Variants in PRTG observed in about 807,000 individuals in gnomAD.
PRTG encodes the protein immunoglobulin superfamily, DCC subclass, member 5.
A neutral mutation model predicts 122.5 loss-of-function variants in PRTG; 67 were observed. The ratio of observed to expected loss-of-function variants is 0.55; its 90% CI spans 0.45 to 0.67. PRTG has a LOEUF of 0.67. Ranked by LOEUF, PRTG falls within the 30% of genes least tolerant of loss-of-function variation. The probability of loss-of-function intolerance (pLI) is 0.00; values close to 1 mark genes in which losing one functional copy is unlikely to be tolerated. For synonymous variants in PRTG, 554 were observed against 501.1 expected (o/e 1.11, Z -1.41); for missense variants, 1,435 against 1,415.4 (o/e 1.01, Z -0.22).
chr15:55,710,314 T>A (rs1272462826), intron 2 of PRTG, among the ~76,000 whole-genome samples: 3 of 152,230 alleles, frequency 2.0e-5, no homozygotes, highest in Non-Finnish European at 4.4e-5. Flanking sequence ...CATTTTTACA[T>A]AAATCTACTT....
chr15:55,728,521 T>C lies in PRTG; in HGVS notation c.397+11861A>G, dbSNP rs573145001. On this transcript the variant is annotated intron_variant, in intron 2 of 19. Transcript: ENST00000389286. ...CAAAAAAGATGATTAGCACAGTTGATACAAAAAAGGCATTTGAAAAAATCC... is the reference window on the plus strand; with the variant it reads ...CAAAAAAGATGATTAGCACAGTTGACACAAAAAAGGCATTTGAAAAAATCC... Among the ~76,000 whole-genome samples the C allele has an allele frequency of 1.1e-3, 140 of 125,582 alleles. 1 individual carries two copies. The South Asian group carries it at 0.016, about 14-fold the overall frequency. The allele number at this position is 125,582 out of a possible 152,430, so 82.4% of individuals were successfully genotyped here.
At position 55,649,794 on chromosome 15, in the gene PRTG, TAAATAAATA is replaced by T. The variant is rs2059343887; in HGVS notation, c.2042-8595_2042-8587del. On this transcript the variant is annotated intron_variant, in intron 11 of 19. Transcript: ENST00000389286. Reference sequence around the variant, plus strand: ...GAGACAGAGCGAGACTCAGTCTCAATAAATAAATAAATAAATAAATAAATAAATAAATAA... The same window carrying T: ...GAGACAGAGCGAGACTCAGTCTCAATAATAAATAAATAAATAAATAAATAA... Among the ~76,000 whole-genome samples the T allele has an allele frequency of 2.2e-3, 4 of 1,836 alleles. No individual in the cohort carries two copies. In the Non-Finnish European group the frequency reaches 0.045, roughly 21 times the overall value. The allele number at this position is 1,836 out of a possible 152,430, so 1.2% of individuals were successfully genotyped here.
intron 2 of PRTG, among the ~76,000 whole-genome samples, chr15:55,735,409 A>G (rs1199054931): frequency 6.6e-6 from 1 of 152,054 alleles, no homozygotes; most frequent in Admixed American, 6.6e-5. Context: ...TAATTAAAAT[A>G]CTCCCTTAGC....
rs556168502 is a variant in PRTG, at chr15:55,707,269, C to T, written c.398-23338G>A. ...TAAGGTTAAGAACATTTAAGGTTAT[C>T]TCAAACACCAAGAATGTACCTTCTA... On this transcript the variant is annotated intron_variant, in intron 2 of 19. Coordinates refer to ENST00000389286, the MANE Select transcript of PRTG (RefSeq NM_173814.6). 2.6e-5 allele frequency among the ~76,000 whole-genome samples: 4 copies of T among 152,280 alleles called. No individual in the cohort carries two copies. In the East Asian group the frequency reaches 7.7e-4, roughly 29 times the overall value.
intron 2 of PRTG, among the ~76,000 whole-genome samples, chr15:55,709,145 CAAAAAAAAAAAAAA>C (rs3985769): frequency 1.9e-5 from 1 of 51,832 alleles, no homozygotes; most frequent in African/African-American, 8.0e-5. Context: ...GACTCTGTCT[CAAAAAAAAAAAAAA>C]AAAAAAAAAA....
intron 17 of PRTG, among the ~76,000 whole-genome samples, chr15:55,626,630 C>T (rs182861512): frequency 1.6e-4 from 24 of 150,396 alleles, no homozygotes; most frequent in Admixed American, 1.1e-3. Context: ...TGGTGGCGGG[C>T]GCCTGGAGTC....
chr15:55,662,531 T>C (rs1305989980), intron 11 of PRTG, among the ~76,000 whole-genome samples: 2 of 152,202 alleles, frequency 1.3e-5, no homozygotes, highest in Non-Finnish European at 2.9e-5. Flanking sequence ...TATTAAAAAT[T>C]CCTCCATCTT....
intron 2 of PRTG, among the ~76,000 whole-genome samples, chr15:55,706,524 C>T (rs1348305274): frequency 7.3e-6 from 1 of 137,520 alleles, no homozygotes; most frequent in African/African-American, 2.8e-5. Context: ...GTGGGAGTAT[C>T]ATTCAAGGCC....
chr15:55,686,590 C>T (rs2059571863), intron 2 of PRTG, among the ~76,000 whole-genome samples: 1 of 152,144 alleles, frequency 6.6e-6, no homozygotes, highest in East Asian at 1.9e-4. Flanking sequence ...CATATCCTGT[C>T]TAGATGTCTT....
chr15:55,653,856 C>A, intron 11 of PRTG, among the ~76,000 whole-genome samples: 1 of 152,206 alleles, frequency 6.6e-6, no homozygotes, highest in Non-Finnish European at 1.5e-5. Context: ...GTTGTGTTCA[C>A]TAATGTTTTG....
chr15:55,733,636 G>C (rs1279277997), intron 2 of PRTG, among the ~76,000 whole-genome samples: 2 of 151,872 alleles, frequency 1.3e-5, no homozygotes, highest in Admixed American at 6.6e-5. Flanking sequence ...AGGTCAGCCT[G>C]GGCAACATAG....
rs2059636526 is a variant in PRTG, at chr15:55,697,171, G to A, written c.398-13240C>T. On this transcript the variant is annotated intron_variant, in intron 2 of 19. Coordinates refer to ENST00000389286, the MANE Select transcript of PRTG (RefSeq NM_173814.6). ...TGTTCAAGTTCCTCCTGACCACTGG[G>A]CCACTCACTGCTTTTCAGGAACTCT... Among the ~76,000 whole-genome samples the A allele has an allele frequency of 2.0e-5, 3 of 152,142 alleles. No homozygotes were observed. The South Asian group carries it at 6.2e-4, about 32-fold the overall frequency.
At chr15:55,650,591 A>G (rs781734240) in intron 11 of PRTG, among the ~76,000 whole-genome samples, 6 of 152,162 alleles carry the variant, frequency 3.9e-5, no homozygotes, top group Non-Finnish European at 8.8e-5. Flanking sequence ...GAGCTTTGAG[A>G]GCCATTGTGG....
At chr15:55,677,380 C>T (rs542671899) in intron 8 of PRTG, among the ~76,000 whole-genome samples, 1 of 152,136 alleles carries the variant, frequency 6.6e-6, no homozygotes, top group African/African-American at 2.4e-5. Context: ...TTTACTTTCT[C>T]CCTTAAAAAT....
chr15:55,699,628 A>G (rs1003637556), intron 2 of PRTG, among the ~76,000 whole-genome samples: 1 of 152,254 alleles, frequency 6.6e-6, no homozygotes, highest in Non-Finnish European at 1.5e-5. Flanking sequence ...AGGTAATGAC[A>G]TATTTATATC....
intron 2 of PRTG, among the ~76,000 whole-genome samples, chr15:55,734,414 T>C (rs2031344339): frequency 6.6e-6 from 1 of 152,084 alleles, no homozygotes; most frequent in South Asian, 2.1e-4. Context: ...CTAGCTAAAC[T>C]CCTAGGGATT....
intron 2 of PRTG, among the ~76,000 whole-genome samples, chr15:55,737,722 C>T (rs2031454472): frequency 6.6e-6 from 1 of 152,066 alleles, no homozygotes; most frequent in South Asian, 2.1e-4. Flanking sequence ...CAACTTTCAG[C>T]TTCTAGTTCC....
intron 9 of PRTG, among the ~76,000 whole-genome samples, chr15:55,673,906 T>A (rs1311146305): frequency 6.6e-6 from 1 of 152,220 alleles, no homozygotes; most frequent in Non-Finnish European, 1.5e-5. Flanking sequence ...TCACTGTGGC[T>A]GTGATTGTTT....
intron 11 of PRTG, among the ~76,000 whole-genome samples, chr15:55,660,507 C>T (rs945594277): frequency 3.3e-5 from 5 of 152,198 alleles, no homozygotes; most frequent in African/African-American, 9.7e-5. Flanking sequence ...TAATTTTCTA[C>T]AAGAGTTCTT....
Sources: allele counts gnomAD v4.1 joint callset (sites outside exome capture counted in the v4.1 genomes callset), GRCh38; gene constraint gnomAD v4.1.1; transcripts MANE v1.5; gene names NCBI Gene and HGNC (gene_info 2026-07-23, HGNC 2026-07-21).